The following POMT2 variants were observed in gnomAD, a reference collection of about 807,000 sequenced individuals.
POMT2 encodes the protein protein O-mannosyl-transferase 2.
POMT2 carries 75 observed loss-of-function variants against 100.0 expected under a neutral mutation model. That is an observed-to-expected ratio of 0.75 (90% CI 0.62 to 0.91). The LOEUF is 0.91. Ranked by LOEUF, POMT2 falls within the 40% of genes least tolerant of loss-of-function variation. The probability of loss-of-function intolerance (pLI) is 0.00; values close to 1 mark genes in which losing one functional copy is unlikely to be tolerated. For missense variants in POMT2, 940 were observed against 955.1 expected (o/e 0.98, Z 0.21); for synonymous variants, 378 against 374.1 (o/e 1.01, Z -0.12).
chr14:77,306,697 G>A (rs1388403282), intron 2 of POMT2: 2 of 401,846 alleles, frequency 5.0e-6, no homozygotes, highest in East Asian at 5.7e-5. Flanking sequence ...TAAACACTCA[G>A]GAAGGAAAAA....
chr14:77,284,985 G>A lies in POMT2; in HGVS notation c.1541C>T (p.Ser514Phe), dbSNP rs772189575. 4 of 1,613,398 alleles carry A rather than the reference G, an allele frequency of 2.5e-6. No individual in the cohort carries two copies. The South Asian group carries it at 4.4e-5, about 18-fold the overall frequency. Residue 514 changes from serine to phenylalanine, a missense_variant, in exon 14 of 21, where the codon TCC (serine) becomes TTC (phenylalanine). Coordinates refer to ENST00000261534, the MANE Select transcript of POMT2 (RefSeq NM_013382.7). ...CTPYLKETLN[S>F]IWNVEDHINP... Reference sequence around the variant, plus strand: ...GATATGGTCCTCCACATTCCAGATGGAGTTGAGGGTTTCTTTCAGGTATGG... The same window carrying A: ...GATATGGTCCTCCACATTCCAGATGAAGTTGAGGGTTTCTTTCAGGTATGG...
At chr14:77,300,948 C>A (rs1891011713) in intron 6 of POMT2, 142 bp downstream of exon 6, 1 of 1,505,910 alleles carries the variant, frequency 6.6e-7, no homozygotes, top group Middle Eastern at 2.3e-4. Flanking sequence ...CTGCTGTCTG[C>A]GGAGGTTGGG....
rs4540995 is a variant in POMT2 at position 77,280,469 on chromosome 14, T to C, written c.1654-6A>G. 0.1 allele frequency: 167,829 copies of C among 1,614,048 alleles called. 10,268 individuals carry two copies. Among genetic ancestry groups the C allele is most frequent in the African/African-American group, 0.24 (17,746 of 74,992 alleles). ...GGTTTGAGGCCACTGTTCCCCTGCA[T>C]GAAGGTAGCAAAGAAAGCTAGTCAA... is the stretch of plus-strand genomic sequence containing the variant. On this transcript the variant is annotated splice_region_variant and splice_polypyrimidine_tract_variant and intron_variant, in intron 15 of 20. Coordinates refer to ENST00000261534, the MANE Select transcript of POMT2 (RefSeq NM_013382.7).
intron 2 of POMT2, chr14:77,308,840 A>G (rs375644482): frequency 6.8e-6 from 3 of 438,036 alleles, no homozygotes; most frequent in Admixed American, 2.5e-5. Flanking sequence ...GGAATTTTTC[A>G]TATATACCTG....
chr14:77,288,748 G>A lies in POMT2; in HGVS notation c.1253+14C>T. 1 of 1,610,874 alleles carries A rather than the reference G, an allele frequency of 6.2e-7. No homozygotes were observed. The highest frequency in any genetic ancestry group is 1.3e-5 in the African/African-American group (1 of 74,938). ...CCCGTACCATTTATTTATCCAAACT[G>A]CAAATTGACTTACTCTTTGTGTTCT... On this transcript the variant is annotated intron_variant, in intron 11 of 20. Coordinates refer to ENST00000261534, the MANE Select transcript of POMT2 (RefSeq NM_013382.7).
At chr14:77,318,443 G>A (rs1185836191) in intron 1 of POMT2, among the ~76,000 whole-genome samples, 27 of 152,226 alleles carry the variant, frequency 1.8e-4, no homozygotes, top group Admixed American at 1.8e-3. Flanking sequence ...CCTCATAGGT[G>A]TGCAAACACA....
intron 2 of POMT2, among the ~76,000 whole-genome samples, chr14:77,309,879 C>T (rs1489307349): frequency 6.6e-6 from 1 of 152,044 alleles, no homozygotes; most frequent in Admixed American, 6.6e-5. Context: ...AGTTTCACCA[C>T]GTTGGCCAGG....
chr14:77,314,086 G>A (rs1260204595), intron 1 of POMT2, among the ~76,000 whole-genome samples: 1 of 152,134 alleles, frequency 6.6e-6, no homozygotes, highest in African/African-American at 2.4e-5. Context: ...GGCTTTTATT[G>A]CTTGTGTTAG....
At chr14:77,283,923 C>T (rs775752650) in intron 14 of POMT2, 50 bp from the exon 15 acceptor site, 1 of 1,468,718 alleles carries the variant, frequency 6.8e-7, no homozygotes. Context: ...ATTCTTTCCT[C>T]AGTCTGTCCA....
chr14:77,280,000 C>T lies in POMT2; in HGVS notation c.1785+21G>A, dbSNP rs747442138. 28 of 1,613,946 alleles carry T rather than the reference C, an allele frequency of 1.7e-5. 1 individual carries two copies. Among genetic ancestry groups the T allele is most frequent in the South Asian group, 6.6e-5 (6 of 91,086 alleles). ...CGGGCAAGTGCTCCAGGGCCTGAGCCGGGAATGTTTAGGCACTCACCGGGT... is the reference window on the plus strand; with the variant it reads ...CGGGCAAGTGCTCCAGGGCCTGAGCTGGGAATGTTTAGGCACTCACCGGGT... On this transcript the variant is annotated intron_variant, in intron 17 of 20. Coordinates refer to ENST00000261534, the MANE Select transcript of POMT2 (RefSeq NM_013382.7).
At chr14:77,291,987 G>A (rs373096366) in intron 9 of POMT2, among the ~76,000 whole-genome samples, 1 of 152,006 alleles carries the variant, frequency 6.6e-6, no homozygotes, top group Non-Finnish European at 1.5e-5. Context: ...CTGAGATCGC[G>A]CCACTGCACT....
chr14:77,304,863 T>C, intron 3 of POMT2, 63 bp from the exon 4 acceptor site: 1 of 1,545,966 alleles, frequency 6.5e-7, no homozygotes, highest in Non-Finnish European at 8.7e-7. Flanking sequence ...CCTACTGGAC[T>C]CAGTACAACC....
intron 5 of POMT2, among the ~76,000 whole-genome samples, chr14:77,301,488 A>G (rs1426042075): frequency 6.6e-6 from 1 of 152,094 alleles, no homozygotes; most frequent in Non-Finnish European, 1.5e-5. Flanking sequence ...GAGTGTCCAT[A>G]GTGCTCCTGG....
chr14:77,302,635 C>A (rs990695243), intron 5 of POMT2, among the ~76,000 whole-genome samples, 200 bp downstream of exon 5: 7 of 152,192 alleles, frequency 4.6e-5, no homozygotes, highest in Non-Finnish European at 8.8e-5. Flanking sequence ...AAAATAAAAT[C>A]ACCTGTAGAA....
intron 11 of POMT2, 146 bp from the exon 12 acceptor site, chr14:77,286,968 T>C: frequency 6.8e-7 from 1 of 1,478,284 alleles, no homozygotes; most frequent in South Asian, 1.3e-5. Context: ...AGGAACTGGT[T>C]TCCTATTTAC....
At chr14:77,280,813 C>T (rs1013190331) in intron 15 of POMT2, among the ~76,000 whole-genome samples, 7 of 152,186 alleles carry the variant, frequency 4.6e-5, no homozygotes, top group Non-Finnish European at 1.0e-4. Context: ...GGCTTACAGC[C>T]GGGTGCAGTG....
chr14:77,304,613 T>C (rs1257269885), intron 4 of POMT2, 79 bp downstream of exon 4: 39 of 1,539,858 alleles, frequency 2.5e-5, no homozygotes, highest in Non-Finnish European at 3.4e-5. Context: ...ATAGGGCCCT[T>C]GAATGTACTG....
chr14:77,309,677 A>ATATT (rs746612794), intron 2 of POMT2, among the ~76,000 whole-genome samples: 72 of 151,910 alleles, frequency 4.7e-4, no homozygotes, highest in East Asian at 1.4e-3. Flanking sequence ...TAATATTATT[A>ATATT]TATTTATTTA....
At chr14:77,288,632 C>G in intron 11 of POMT2, 130 bp downstream of exon 11, 1 of 771,976 alleles carries the variant, frequency 1.3e-6, no homozygotes, top group Non-Finnish European at 2.3e-6. Context: ...ATGCTTCTCC[C>G]ATTCTCGCAC....
Sources: allele counts gnomAD v4.1 joint callset (sites outside exome capture counted in the v4.1 genomes callset), GRCh38; gene constraint gnomAD v4.1.1; transcripts MANE v1.5; gene names NCBI Gene and HGNC (gene_info 2026-07-23, HGNC 2026-07-21).